The following CACNA1G variants were observed in gnomAD, a reference collection of about 807,000 sequenced individuals.
CACNA1G encodes the protein voltage-dependent T-type calcium channel subunit alpha-1G.
In CACNA1G, 67 loss-of-function variants were observed where a neutral mutation model predicts 219.4. The observed-to-expected ratio is 0.31, with a 90% CI of 0.25 to 0.37. CACNA1G has a LOEUF of 0.37. Among genes scored for constraint, CACNA1G ranks in the 10% least tolerant of loss-of-function variants. CACNA1G has a pLI of 1.00. For missense variants in CACNA1G, 2,380 were observed against 3,231.4 expected, an observed-to-expected ratio of 0.74 and a Z score of 6.39; for synonymous variants, 1,296 against 1,345.3, an observed-to-expected ratio of 0.96 and a Z score of 0.80.
rs773912939 is a variant in CACNA1G, at chr17:50,626,611, C to T, written c.6994C>T (p.Arg2332Trp). The change falls in exon 38 of 38, where the codon CGG (arginine) becomes TGG (tryptophan). Residue 2332 changes from arginine (R) to tryptophan (W), a missense_variant. Arg to Trp is a moderately radical substitution (Grantham distance 101). Transcript: ENST00000359106. This position sits in a 1 kb window ranked among gnomAD's most constrained non-coding sequence, Gnocchi z 4.3. ...RTPPSPGICLRRRAPSSDSKD... is the reference protein window; with the variant it reads ...RTPPSPGICLWRRAPSSDSKD... ...CCCGCCCAGCCCTGGTATCTGCCTC[C>T]GGAGGAGGGCTCCGTCCAGCGACTC... 8.1e-6 allele frequency: 13 copies of T among 1,612,784 alleles called. No individual in the cohort carries two copies. Among genetic ancestry groups the T allele is most frequent in the South Asian group, 6.6e-5 (6 of 91,008 alleles).
At chr17:50,568,181 T>C (rs1468212162) in intron 1 of CACNA1G, among the ~76,000 whole-genome samples, 1 of 152,134 alleles carries the variant, frequency 6.6e-6, no homozygotes, top group African/African-American at 2.4e-5. Flanking sequence ...TTACACCTAG[T>C]GCCAGGGCGG....
intron 5 of CACNA1G, 143 bp from the exon 6 acceptor site, chr17:50,572,411 C>T (rs550272046): frequency 2.9e-6 from 2 of 692,366 alleles, no homozygotes; most frequent in South Asian, 4.2e-5. Context: ...AAATCCCTGC[C>T]CTGCCCAGTC....
chr17:50,605,258 C>A (rs1337255924), intron 22 of CACNA1G, among the ~76,000 whole-genome samples: 3 of 152,150 alleles, frequency 2.0e-5, no homozygotes, highest in Admixed American at 2.0e-4. Context: ...GTGGTCATAG[C>A]CTGGTTTATA....
chr17:50,569,776 C>G lies in CACNA1G; in HGVS notation c.559C>G (p.Pro187Ala). 6.4e-7 allele frequency: 1 copy of G among 1,550,760 alleles called. No homozygotes were observed. The highest frequency in any genetic ancestry group is 8.7e-7 in the Non-Finnish European group (1 of 1,146,872). The change falls in exon 4 of 38, where the codon CCG becomes GCG. Residue 187 changes from proline to alanine, a missense_variant. Around this residue, in one of 17 missense-constraint regions of CACNA1G, gnomAD observed 56 missense variants for 135.8 expected, o/e 0.41. Transcript: ENST00000359106. Reference sequence around the variant, plus strand: ...TGTCAGGACAGTCCGTGTGCTGCGACCGCTCAGGGCCATTAACCGGGTGCC... The same window carrying G: ...TGTCAGGACAGTCCGTGTGCTGCGAGCGCTCAGGGCCATTAACCGGGTGCC... ...SAVRTVRVLR[P>A]LRAINRVPSM... is the part of the protein sequence containing the mutation.
intron 28 of CACNA1G, among the ~76,000 whole-genome samples, chr17:50,616,839 G>A (rs1750953500): frequency 6.6e-6 from 1 of 152,106 alleles, no homozygotes; most frequent in African/African-American, 2.4e-5. Flanking sequence ...TTGGTTTTGA[G>A]GGTGTTTTTC....
chr17:50,624,524 C>T lies in CACNA1G; in HGVS notation c.6394C>T (p.Arg2132Cys), dbSNP rs780662520. ...RSPLAQRPLR[R>C]QAAIRTDSLD... ...CCCTTTGGCTCAGAGGCCACTCAGG[C>T]GCCAGGTGAGCAGATGTGGAAAGGC... Residue 2132 changes from arginine to cysteine, a missense_variant, in exon 37 of 38, where the codon CGC becomes TGC. Physicochemically the swap from Arg to Cys is radical, Grantham distance 180. This residue lies in a region of CACNA1G where 672 missense variants were observed against 670.5 expected (regional missense o/e 1.00). Coordinates refer to ENST00000359106, the MANE Select transcript of CACNA1G (RefSeq NM_018896.5). 3.8e-6 allele frequency: 6 copies of T among 1,586,318 alleles called. No homozygotes were observed. Among genetic ancestry groups the T allele is most frequent in the Admixed American group, 1.8e-5 (1 of 56,992 alleles).
Position 50,596,296 on chromosome 17 carries a change from C to T in CACNA1G, c.2980-266C>T, listed in dbSNP as rs987599264. ...TCTCTCCCCAGCCAGCCTTGGTGAC[C>T]GTTCAGCCAGGCTGGTTGTGCTGTG... is the stretch of plus-strand genomic sequence containing the variant. On this transcript the variant is annotated intron_variant, in intron 14 of 37. Transcript: ENST00000359106. This position sits in a 1 kb window ranked among gnomAD's most constrained non-coding sequence, Gnocchi z 4.8. 1.3e-5 allele frequency among the ~76,000 whole-genome samples: 2 copies of T among 152,336 alleles called. No individual in the cohort carries two copies. The highest frequency in any genetic ancestry group is 2.4e-5 in the African/African-American group (1 of 41,576).
In CACNA1G at chr17:50,561,007, T is replaced by C. The variant is rs987359196; in HGVS notation, c.-453T>C. Reference sequence around the variant, plus strand: ...GCCTGGCGCGGAGCCGGGACGATGCTGACCCCTTAGATCCGGCTCCAGCTG... The same window carrying C: ...GCCTGGCGCGGAGCCGGGACGATGCCGACCCCTTAGATCCGGCTCCAGCTG... On this transcript the variant is annotated 5_prime_UTR_variant, in exon 1 of 38. Transcript: ENST00000359106. 3 of 297,396 alleles carry C rather than the reference T, an allele frequency of 1.0e-5. No individual in the cohort carries two copies. Among genetic ancestry groups the C allele is most frequent in the Non-Finnish European group, 1.3e-5 (2 of 153,652 alleles). 18.4% of individuals were successfully genotyped at this position (297,396 alleles called of 1,614,324 possible).
rs1009991582 is a variant in CACNA1G at position 50,621,157 on chromosome 17, G to A, written c.5926-503G>A. Reference sequence around the variant, plus strand: ...GTCCTGCCAGGCTGTTGGAAGCCGAGAGAATAGGCAGAAAACAGCCGTCAG... The same window carrying A: ...GTCCTGCCAGGCTGTTGGAAGCCGAAAGAATAGGCAGAAAACAGCCGTCAG... On this transcript the variant is annotated intron_variant, in intron 34 of 37. Coordinates refer to ENST00000359106, the MANE Select transcript of CACNA1G (RefSeq NM_018896.5). The surrounding 1 kb of genome is among the most constrained non-coding windows in gnomAD (Gnocchi z 4.6). Among the ~76,000 whole-genome samples the A allele has an allele frequency of 5.9e-5, 9 of 152,244 alleles. No individual in the cohort carries two copies.
rs1049245202 is a variant in CACNA1G at position 50,578,410 on chromosome 17, T to C, written c.2147T>C (p.Leu716Pro). 1.2e-6 allele frequency: 2 copies of C among 1,613,080 alleles called. No individual in the cohort carries two copies. Among genetic ancestry groups the C allele is most frequent in the African/African-American group, 2.7e-5 (2 of 74,864 alleles). Residue 716 changes from leucine to proline, a missense_variant, in exon 9 of 38, where the codon CTG becomes CCG. Leu to Pro is a moderately conservative substitution (Grantham distance 98). Coordinates refer to ENST00000359106, the MANE Select transcript of CACNA1G (RefSeq NM_018896.5). This position sits in a 1 kb window ranked among gnomAD's most constrained non-coding sequence, Gnocchi z 4.5. ...RDPHSRRQRS[L>P]GPDAEPSSVL... Reference sequence around the variant, plus strand: ...CCCCACAGCCGGCGGCAACGGAGCCTGGGCCCAGATGCAGAGCCCAGCTCT... The same window carrying C: ...CCCCACAGCCGGCGGCAACGGAGCCCGGGCCCAGATGCAGAGCCCAGCTCT...
At chr17:50,591,644 C>T (rs368291079) in intron 11 of CACNA1G, 24 bp downstream of exon 11, 158 of 1,611,164 alleles carry the variant, frequency 9.8e-5, no homozygotes, top group Middle Eastern at 5.0e-4. Context: ...GGCACCTTGC[C>T]GGCTGAGAGA....
intron 26 of CACNA1G, among the ~76,000 whole-genome samples, chr17:50,611,597 A>C (rs1419556521): frequency 6.6e-6 from 1 of 152,178 alleles, no homozygotes; most frequent in Non-Finnish European, 1.5e-5. Context: ...CAGGGTCCCC[A>C]CATCTCTGCA....
chr17:50,599,340 C>T lies in CACNA1G; in HGVS notation c.3259-88C>T, dbSNP rs2046158188. ...CACATCCCTACACTTGATGTGATGC[C>T]AGTGAGGCTCCCAGGAGACCGGGTG... On this transcript the variant is annotated intron_variant, in intron 16 of 37. Coordinates refer to ENST00000359106, the MANE Select transcript of CACNA1G (RefSeq NM_018896.5). 8.3e-6 allele frequency: 10 copies of T among 1,199,652 alleles called. No homozygotes were observed. In the South Asian group the frequency reaches 1.6e-4, roughly 19 times the overall value. 74.3% of individuals were successfully genotyped at this position (1,199,652 alleles called of 1,614,324 possible).
At position 50,588,529 on chromosome 17, in the gene CACNA1G, G is replaced by A. The variant is rs1243614335; in HGVS notation, c.2302-1942G>A. 2.0e-5 allele frequency among the ~76,000 whole-genome samples: 3 copies of A among 152,200 alleles called. No individual in the cohort carries two copies. In the East Asian group the frequency reaches 5.8e-4, roughly 29 times the overall value. ...TAGCCAGGTGGGGTCTGAGCCCAGG[G>A]CTTTATATGCATTGATCCTGGCCCC... On this transcript the variant is annotated intron_variant, in intron 9 of 37. Transcript: ENST00000359106.
At chr17:50,601,909 C>T (rs2046746734) in intron 19 of CACNA1G, among the ~76,000 whole-genome samples, 1 of 152,154 alleles carries the variant, frequency 6.6e-6, no homozygotes, top group African/African-American at 2.4e-5. Flanking sequence ...TCTCCCACAC[C>T]ATTGTTTAGA....
intron 16 of CACNA1G, among the ~76,000 whole-genome samples, chr17:50,597,441 G>C (rs1258568296): frequency 6.6e-6 from 1 of 152,238 alleles, no homozygotes; most frequent in African/African-American, 2.4e-5. Flanking sequence ...AATCCAGGAG[G>C]CTAGTGTTGG....
rs1258268161 is a variant in CACNA1G at position 50,600,023 on chromosome 17, C to T, written c.3690+164C>T. 6.6e-6 allele frequency among the ~76,000 whole-genome samples: 1 copy of T among 152,248 alleles called. No individual in the cohort carries two copies. ...CAATCCCTTTTCTCCCTCTGCCCGC[C>T]TTGCCAAGCCCCAGATCCTTGTCAT... On this transcript the variant is annotated intron_variant, in intron 17 of 37. Coordinates refer to ENST00000359106, the MANE Select transcript of CACNA1G (RefSeq NM_018896.5). This position sits in a 1 kb window ranked among gnomAD's most constrained non-coding sequence, Gnocchi z 4.1.
In CACNA1G at chr17:50,624,955, CT is replaced by C. The variant is rs3986415; in HGVS notation, c.6399+446del. Among the ~76,000 whole-genome samples, 129 of 117,522 alleles carry C rather than the reference CT, an allele frequency of 1.1e-3. 1 individual carries two copies. In the South Asian group the frequency reaches 0.015, roughly 13 times the overall value. The allele number at this position is 117,522 out of a possible 152,430, so 77.1% of individuals were successfully genotyped here. On this transcript the variant is annotated intron_variant, in intron 37 of 37. Coordinates refer to ENST00000359106, the MANE Select transcript of CACNA1G (RefSeq NM_018896.5). ...GGGCCCACCTTCCAGAGCCCAGATT[CT>C]TTTTTTTTTTTTTTTTTTTGAGTTT... is the stretch of plus-strand genomic sequence containing the variant.
chr17:50,560,813 A>G lies in CACNA1G; in HGVS notation c.-647A>G, dbSNP rs2035398873. ...GGCGACAGCTACGGCAGCGGCAGCC[A>G]CCGCGGCGGCTGCGGCGGCGGCATC... On this transcript the variant is annotated 5_prime_UTR_variant, in exon 1 of 38. Transcript: ENST00000359106. 6.6e-6 allele frequency among the ~76,000 whole-genome samples: 1 copy of G among 151,704 alleles called. No homozygotes were observed. Among genetic ancestry groups the G allele is most frequent in the African/African-American group, 2.4e-5 (1 of 41,402 alleles).
Sources: allele counts gnomAD v4.1 joint callset (sites outside exome capture counted in the v4.1 genomes callset), GRCh38; gene constraint gnomAD v4.1.1; regional missense constraint gnomAD v4.1.1; non-coding constraint Gnocchi (gnomAD v3.1); transcripts MANE v1.5; gene names NCBI Gene and HGNC (gene_info 2026-07-23, HGNC 2026-07-21).